EXOC4: variants seen among roughly 807,000 people sequenced by gnomAD.
EXOC4 encodes exocyst complex component 4, also known as SEC8-like 1.
Under a neutral mutation model 107.2 loss-of-function variants are expected in EXOC4, and 71 were observed. The observed-to-expected ratio is 0.66, with a 90% CI of 0.55 to 0.81. The LOEUF is 0.81. Ranked by LOEUF, EXOC4 falls within the 30% of genes least tolerant of loss-of-function variation. EXOC4 has a pLI of 0.00. For missense variants in EXOC4, 1,108 were observed against 1,189.6 expected (o/e 0.93, Z 1.01); for synonymous variants, 456 against 441.2 (o/e 1.03, Z -0.42).
At chr7:133,324,068 C>A (rs1334215099) in intron 5 of EXOC4, among the ~76,000 whole-genome samples, 2 of 152,104 alleles carry the variant, frequency 1.3e-5, no homozygotes, top group Non-Finnish European at 2.9e-5. Flanking sequence ...TCCCCTTTGT[C>A]ATTTTTTATT....
intron 10 of EXOC4, among the ~76,000 whole-genome samples, chr7:133,659,394 C>A (rs1803381559): frequency 6.6e-6 from 1 of 152,094 alleles, no homozygotes; most frequent in East Asian, 1.9e-4. Context: ...ATTCACTGAG[C>A]AAATATATAC....
chr7:133,738,864 C>T (rs1050138945), intron 10 of EXOC4, among the ~76,000 whole-genome samples: 2 of 152,068 alleles, frequency 1.3e-5, no homozygotes, highest in African/African-American at 4.8e-5. Context: ...GTTATCAGCA[C>T]CTGAAATGAA....
intron 10 of EXOC4, among the ~76,000 whole-genome samples, chr7:133,634,609 C>T (rs922410776): frequency 6.6e-6 from 1 of 152,184 alleles, no homozygotes; most frequent in Admixed American, 6.5e-5. Flanking sequence ...CGTGCCTCAG[C>T]CTCCCAGATA....
chr7:133,711,168 T>C (rs1794885198), intron 10 of EXOC4, among the ~76,000 whole-genome samples: 1 of 152,220 alleles, frequency 6.6e-6, no homozygotes, highest in African/African-American at 2.4e-5. Context: ...TAACAAATGC[T>C]CAATTATTCA....
chr7:134,095,287 G>T, the EXOC4 span, among the ~76,000 whole-genome samples: 3 of 151,942 alleles, frequency 2.0e-5, no homozygotes, highest in Middle Eastern at 3.2e-3. Flanking sequence ...TCTACAAGGA[G>T]AACTACAAAA....
At chr7:133,526,908 G>A (rs1187213533) in intron 9 of EXOC4, among the ~76,000 whole-genome samples, 1 of 152,060 alleles carries the variant, frequency 6.6e-6, no homozygotes, top group Non-Finnish European at 1.5e-5. Context: ...GGAGGTGGAG[G>A]TTGCAGTGAG....
At chr7:133,343,876 C>T (rs1218464922) in intron 5 of EXOC4, among the ~76,000 whole-genome samples, 1 of 151,346 alleles carries the variant, frequency 6.6e-6, no homozygotes, top group Non-Finnish European at 1.5e-5. Context: ...AGCAGTGGTG[C>T]AATCATACCT....
intron 14 of EXOC4, among the ~76,000 whole-genome samples, chr7:133,942,269 C>CTT (rs879804373): frequency 6.9e-6 from 1 of 144,214 alleles, no homozygotes; most frequent in South Asian, 2.2e-4. Flanking sequence ...TCTAGGAAGT[C>CTT]TTTTTTTTTT....
chr7:133,995,770 CTT>C (rs949546739), intron 14 of EXOC4, among the ~76,000 whole-genome samples: 5 of 152,106 alleles, frequency 3.3e-5, no homozygotes, highest in Admixed American at 6.5e-5. Context: ...CAGAGGAGAA[CTT>C]AGCCTTACAT....
At chr7:134,070,039 A>C (rs1425629278), downstream of EXOC4, among the ~76,000 whole-genome samples, 2 of 127,988 alleles carry the variant, frequency 1.6e-5, no homozygotes, top group African/African-American at 6.3e-5. Flanking sequence ...GTCCTGGTCA[A>C]CACAATTTTG....
intron 11 of EXOC4, among the ~76,000 whole-genome samples, chr7:133,857,139 C>CACAT (rs1467056806): frequency 2.0e-5 from 1 of 50,104 alleles, no homozygotes; most frequent in South Asian, 5.2e-4. Context: ...TATATATATA[C>CACAT]ACATACACGT....
At chr7:133,413,986 A>G (rs1156238472) in intron 7 of EXOC4, among the ~76,000 whole-genome samples, 1 of 152,162 alleles carries the variant, frequency 6.6e-6, no homozygotes, top group Non-Finnish European at 1.5e-5. Flanking sequence ...TTAAAAAAAT[A>G]CATTAACTTA....
intron 7 of EXOC4, among the ~76,000 whole-genome samples, chr7:133,449,079 G>A (rs2150805118): frequency 6.6e-6 from 1 of 152,270 alleles, no homozygotes; most frequent in South Asian, 2.1e-4. Flanking sequence ...GTGCACTCCA[G>A]CCTGGGTGAC....
intron 14 of EXOC4, among the ~76,000 whole-genome samples, chr7:133,962,386 A>G (rs554071173): frequency 2.0e-4 from 31 of 152,310 alleles, no homozygotes; most frequent in Non-Finnish European, 7.3e-5. Context: ...ACTTCCAAGT[A>G]GTTGTCCTGC....
intron 14 of EXOC4, among the ~76,000 whole-genome samples, chr7:133,984,265 C>T (rs1351366315): frequency 6.6e-6 from 1 of 152,146 alleles, no homozygotes; most frequent in Admixed American, 6.5e-5. Context: ...GCCTCTTATC[C>T]TGTGGTAGCC....
the EXOC4 span, among the ~76,000 whole-genome samples, chr7:134,086,264 A>G: frequency 6.6e-6 from 1 of 152,220 alleles, no homozygotes; most frequent in Admixed American, 6.5e-5. Flanking sequence ...CCATAATATA[A>G]AAATCTAAAC....
At chr7:133,443,367 A>G (rs1298410673) in intron 7 of EXOC4, among the ~76,000 whole-genome samples, 1 of 152,208 alleles carries the variant, frequency 6.6e-6, no homozygotes, top group Non-Finnish European at 1.5e-5. Flanking sequence ...TGCGCAGTAC[A>G]GAATGTGGGC....
chr7:133,620,940 C>T (rs1173185602), intron 9 of EXOC4, among the ~76,000 whole-genome samples: 1 of 152,200 alleles, frequency 6.6e-6, no homozygotes, highest in East Asian at 1.9e-4. Context: ...TTAAAACTCC[C>T]TTGTGCCTTG....
chr7:134,073,205 C>CAAAAAA, the EXOC4 span, among the ~76,000 whole-genome samples: 895 of 22,498 alleles, frequency 0.04, 192 homozygotes, highest in Middle Eastern at 0.1. Flanking sequence ...GACTTCCTCT[C>CAAAAAA]AAAAAAAAAA....
Sources: allele counts gnomAD v4.1 joint callset (sites outside exome capture counted in the v4.1 genomes callset), GRCh38; gene constraint gnomAD v4.1.1; transcripts MANE v1.5; gene names NCBI Gene and HGNC (gene_info 2026-07-23, HGNC 2026-07-21).